Variants in CEP120 observed in about 807,000 individuals in gnomAD.
CEP120 encodes centrosomal protein of 120 kDa.
In CEP120, 113 loss-of-function variants were observed where a neutral mutation model predicts 126.5. The observed-to-expected ratio is 0.89, with a 90% CI of 0.77 to 1.04. CEP120 has a LOEUF of 1.04. Among genes scored for constraint, CEP120 ranks in the 50% least tolerant of loss-of-function variants. The pLI is 0.00. For synonymous variants in CEP120, 400 were observed against 394.3 expected (o/e 1.01, Z -0.17); for missense variants, 1,230 against 1,155.7 (o/e 1.06, Z -0.93).
At chr5:123,352,771 C>T (rs1769280934) in intron 18 of CEP120, among the ~76,000 whole-genome samples, 1 of 151,944 alleles carries the variant, frequency 6.6e-6, no homozygotes, top group Non-Finnish European at 1.5e-5. Flanking sequence ...TGGCCAAAAC[C>T]AGTGTCTTTA....
chr5:123,371,291 G>A (rs943827501), intron 17 of CEP120, among the ~76,000 whole-genome samples: 2 of 152,078 alleles, frequency 1.3e-5, no homozygotes, highest in African/African-American at 4.8e-5. Context: ...CCACGTGGCT[G>A]GGGAAGCCTC....
chr5:123,387,365 A>G (rs1261995227), intron 9 of CEP120, among the ~76,000 whole-genome samples: 1 of 152,098 alleles, frequency 6.6e-6, no homozygotes, highest in African/African-American at 2.4e-5. Flanking sequence ...ATTTCCGAGG[A>G]AAGTTAAATG....
chr5:123,412,326 C>A, intron 4 of CEP120, 73 bp downstream of exon 4: 2 of 1,464,538 alleles, frequency 1.4e-6, no homozygotes, highest in Non-Finnish European at 1.8e-6. Flanking sequence ...GTCCCTATAA[C>A]ACTCCCGCTT....
At chr5:123,421,400 A>G (rs988133145) in intron 1 of CEP120, among the ~76,000 whole-genome samples, 1 of 152,182 alleles carries the variant, frequency 6.6e-6, no homozygotes, top group African/African-American at 2.4e-5. Context: ...TATTAGGAAT[A>G]TTAACACACA....
chr5:123,375,550 T>C (rs1029158940), intron 16 of CEP120, among the ~76,000 whole-genome samples: 16 of 150,818 alleles, frequency 1.1e-4, no homozygotes, highest in African/African-American at 3.9e-4. Flanking sequence ...CTTGAACTCC[T>C]GGGCTCAAGC....
At chr5:123,371,473 TCTCCCACCGGGTCC>T (rs1770849863) in intron 17 of CEP120, among the ~76,000 whole-genome samples, 2 of 151,910 alleles carry the variant, frequency 1.3e-5, no homozygotes, top group South Asian at 4.1e-4. Context: ...GTTTCAATTA[TCTCCCACCGGGTCC>T]CTCCCACAAC....
In CEP120 at chr5:123,370,759, T is replaced by TTA. The variant is rs540203973; in HGVS notation, c.2481+1889_2481+1890dup. Among the ~76,000 whole-genome samples the TTA allele has an allele frequency of 1.2e-4, 18 of 147,774 alleles. 1 individual carries two copies. Among genetic ancestry groups the TTA allele is most frequent in the African/African-American group, 4.2e-4 (17 of 40,698 alleles). On this transcript the variant is annotated intron_variant, in intron 17 of 19. Coordinates refer to ENST00000306467, the MANE Select transcript of CEP120 (RefSeq NM_001375405.1). ...TAATGTATGTATTATAATATATATT[T>TTA]TATATATATATTATATATGTATATT...
At chr5:123,404,160 C>A (rs1469418910) in intron 4 of CEP120, among the ~76,000 whole-genome samples, 4 of 118,718 alleles carry the variant, frequency 3.4e-5, no homozygotes, top group African/African-American at 1.3e-4. Context: ...GAAAAATATT[C>A]TTCTTCATAT....
intron 4 of CEP120, among the ~76,000 whole-genome samples, chr5:123,404,068 A>G (rs1773472351): frequency 6.6e-6 from 1 of 152,242 alleles, no homozygotes; most frequent in African/African-American, 2.4e-5. Context: ...TGGATATACC[A>G]CGGATATGAA....
chr5:123,377,252 A>T, intron 16 of CEP120, 122 bp downstream of exon 16: 2 of 858,804 alleles, frequency 2.3e-6, no homozygotes, highest in Non-Finnish European at 3.6e-6. Context: ...CAGTGCAATA[A>T]TATGATTAAT....
intron 13 of CEP120, 127 bp from the exon 14 acceptor site, chr5:123,382,327 A>ATT: frequency 1.3e-5 from 2 of 156,096 alleles, no homozygotes; most frequent in Admixed American, 8.4e-5. Flanking sequence ...TTTTATTCTA[A>ATT]AAAAAAAAAA....
At chr5:123,401,944 T>G (rs1374107325) in intron 4 of CEP120, 7 of 1,572,264 alleles carry the variant, frequency 4.5e-6, no homozygotes, top group Non-Finnish European at 6.1e-6. Context: ...TCCATGTTGC[T>G]CCCGGCCGTC....
At chr5:123,418,739 G>A (rs1276758329) in intron 1 of CEP120, among the ~76,000 whole-genome samples, 2 of 151,942 alleles carry the variant, frequency 1.3e-5, no homozygotes, top group African/African-American at 2.4e-5. Flanking sequence ...TGGGATTACA[G>A]GTGCACACCA....
intron 16 of CEP120, 132 bp from the exon 17 acceptor site, chr5:123,372,904 G>A: frequency 1.5e-6 from 1 of 664,456 alleles, no homozygotes. Context: ...AACTGATAAA[G>A]TACAATGAGG....
intron 19 of CEP120, among the ~76,000 whole-genome samples, chr5:123,348,918 C>T (rs2126962908): frequency 6.6e-6 from 1 of 152,224 alleles, no homozygotes; most frequent in East Asian, 1.9e-4. Context: ...CTTCTAGCCT[C>T]TAGTACTGTG....
chr5:123,394,590 C>T (rs560868217), intron 5 of CEP120, among the ~76,000 whole-genome samples: 19 of 152,176 alleles, frequency 1.2e-4, no homozygotes, highest in Non-Finnish European at 2.6e-4. Context: ...TTGAGGATCC[C>T]TCTCTAAGAT....
At chr5:123,392,069 T>C (rs1772441765) in intron 6 of CEP120, among the ~76,000 whole-genome samples, 1 of 152,172 alleles carries the variant, frequency 6.6e-6, no homozygotes, top group Non-Finnish European at 1.5e-5. Flanking sequence ...TAAGCAATCA[T>C]GCTGTAAAAT....
Position 123,423,263 on chromosome 5 carries a change from A to C in CEP120, c.-265T>G. 1.7e-5 allele frequency: 8 copies of C among 474,270 alleles called. No homozygotes were observed. Among genetic ancestry groups the C allele is most frequent in the Admixed American group, 3.8e-5 (1 of 26,328 alleles). The allele number at this position is 474,270 out of a possible 1,614,324, so 29.4% of individuals were successfully genotyped here. A position where few individuals can be genotyped will look rare whatever the true frequency, so the allele number is the denominator to read the frequency against. On this transcript the variant is annotated 5_prime_UTR_variant, in exon 1 of 20. Transcript: ENST00000306467. ...CCCTGCCAGTCTGCAAGCAGAGACA[A>C]GCCCGCCACCCGAGGACCTTTTGCC...
At chr5:123,377,267 T>C (rs1022977771) in intron 16 of CEP120, 107 bp downstream of exon 16, 1 of 1,024,104 alleles carries the variant, frequency 9.8e-7, no homozygotes, top group Non-Finnish European at 1.5e-6. Flanking sequence ...ATTAATAGTC[T>C]AAATTACTAT....
Sources: gnomAD v4.1 joint callset for allele counts (sites outside exome capture counted in the v4.1 genomes callset) on GRCh38, gnomAD v4.1.1 for gene constraint, MANE v1.5 for transcripts, NCBI Gene and HGNC (gene_info 2026-07-23, HGNC 2026-07-21) for gene names.